SPOCK3: variants seen among roughly 807,000 people sequenced by gnomAD.
The protein encoded by SPOCK3 is testican-3.
Under a neutral mutation model 56.6 loss-of-function variants are expected in SPOCK3, and 30 were observed. The ratio of observed to expected loss-of-function variants is 0.53; its 90% CI spans 0.40 to 0.72. The LOEUF is 0.72. SPOCK3 is among the 30% of genes least tolerant of loss of function. The probability of loss-of-function intolerance (pLI) is 0.00; values close to 1 mark genes in which losing one functional copy is unlikely to be tolerated. For missense variants in SPOCK3, 527 were observed against 530.0 expected, an observed-to-expected ratio of 0.99 and a Z score of 0.06; for synonymous variants, 196 against 183.3, an observed-to-expected ratio of 1.07 and a Z score of -0.56.
intron 2 of SPOCK3, among the ~76,000 whole-genome samples, chr4:167,180,992 C>G (rs1340892519): frequency 6.6e-6 from 1 of 152,038 alleles, no homozygotes; most frequent in East Asian, 1.9e-4. Flanking sequence ...TTGAATAGGA[C>G]CAATCCATGG....
intron 4 of SPOCK3, among the ~76,000 whole-genome samples, chr4:166,994,730 C>T (rs553197560): frequency 7.2e-5 from 11 of 152,078 alleles, no homozygotes; most frequent in African/African-American, 2.7e-4. Flanking sequence ...TGCATAACAC[C>T]TAATATAAAC....
At chr4:167,215,532 T>A (rs909855375) in intron 2 of SPOCK3, among the ~76,000 whole-genome samples, 13 of 152,178 alleles carry the variant, frequency 8.5e-5, no homozygotes, top group African/African-American at 2.9e-4. Context: ...CTTTTCTAGA[T>A]GAAAAACTCA....
At chr4:166,887,006 C>T (rs1026738498) in intron 6 of SPOCK3, among the ~76,000 whole-genome samples, 1 of 152,144 alleles carries the variant, frequency 6.6e-6, no homozygotes, top group African/African-American at 2.4e-5. Context: ...TCTTGCCTCT[C>T]TTTCTACGCA....
rs370153728 is a variant in SPOCK3 at position 167,055,949 on chromosome 4, G to C, written c.235+6543C>G. Among the ~76,000 whole-genome samples, 27 of 152,310 alleles carry C rather than the reference G, an allele frequency of 1.8e-4. No homozygotes were observed. In the East Asian group the frequency reaches 3.1e-3, roughly 18 times the overall value. ...CTGTCTGACAGCTTTGAAGAGAGCA[G>C]TGGTTCTCCCAGCACGAAGCTGGAG... On this transcript the variant is annotated intron_variant, in intron 3 of 10. Coordinates refer to ENST00000357545, the MANE Select transcript of SPOCK3 (RefSeq NM_001040159.2).
chr4:166,847,647 T>TATATATATA (rs1748203803), intron 6 of SPOCK3, among the ~76,000 whole-genome samples: 36 of 55,406 alleles, frequency 6.5e-4, no homozygotes, highest in African/African-American at 1.6e-3. Flanking sequence ...AAATCCTAGT[T>TATATATATA]TATATATATA....
chr4:166,825,186 G>T (rs994261985), intron 6 of SPOCK3, among the ~76,000 whole-genome samples: 2 of 152,010 alleles, frequency 1.3e-5, no homozygotes, highest in East Asian at 1.9e-4. Context: ...GAAGGTCTAC[G>T]TCTCAAGTAA....
At position 166,754,372 on chromosome 4, in the gene SPOCK3, T is replaced by C. The variant is rs867127712; in HGVS notation, c.931+136A>G. 6.5e-6 allele frequency: 9 copies of C among 1,394,610 alleles called. No individual in the cohort carries two copies. The Middle Eastern group carries it at 1.4e-3, about 214-fold the overall frequency. 86.4% of individuals were successfully genotyped at this position (1,394,610 alleles called of 1,614,324 possible). ...TTTGTTCAACATGCTTCTTATTTGC[T>C]CTTTTATTCAACACTTGAATTACAA... is the stretch of plus-strand genomic sequence containing the variant. On this transcript the variant is annotated intron_variant, in intron 8 of 10. Coordinates refer to ENST00000357545, the MANE Select transcript of SPOCK3 (RefSeq NM_001040159.2).
intron 4 of SPOCK3, among the ~76,000 whole-genome samples, chr4:166,997,108 G>A (rs112286886): frequency 0.07 from 10,569 of 151,804 alleles, 1,247 homozygotes; most frequent in African/African-American, 0.24. Flanking sequence ...AGAGCTGAAC[G>A]ATGAGAACAC....
intron 6 of SPOCK3, among the ~76,000 whole-genome samples, chr4:166,803,120 G>A (rs1314442385): frequency 6.6e-6 from 1 of 152,150 alleles, no homozygotes; most frequent in African/African-American, 2.4e-5. Context: ...ATTTCAGTCT[G>A]AGTGTGCTCT....
intron 4 of SPOCK3, among the ~76,000 whole-genome samples, chr4:166,963,821 C>A (rs1744413735): frequency 6.6e-6 from 1 of 151,782 alleles, no homozygotes; most frequent in Non-Finnish European, 1.5e-5. Flanking sequence ...ATTTTATTTT[C>A]TCCTGACTTT....
chr4:167,116,301 G>C (rs1761320648), intron 2 of SPOCK3, among the ~76,000 whole-genome samples: 1 of 150,894 alleles, frequency 6.6e-6, no homozygotes, highest in African/African-American at 2.4e-5. Flanking sequence ...TTATAGTTAA[G>C]ATATAGAAAA....
At chr4:167,087,790 C>A (rs898269896) in intron 2 of SPOCK3, among the ~76,000 whole-genome samples, 3 of 152,140 alleles carry the variant, frequency 2.0e-5, no homozygotes, top group Non-Finnish European at 4.4e-5. Flanking sequence ...CTAAAATGGA[C>A]TATCAGGATA....
intron 6 of SPOCK3, among the ~76,000 whole-genome samples, chr4:166,854,768 T>G (rs546222153): frequency 5.3e-5 from 8 of 152,268 alleles, no homozygotes; most frequent in African/African-American, 1.9e-4. Flanking sequence ...AATAAGTTAA[T>G]GAGCTGTTGA....
chr4:166,979,496 A>T (rs1746346916), intron 4 of SPOCK3, among the ~76,000 whole-genome samples: 1 of 152,192 alleles, frequency 6.6e-6, no homozygotes, highest in Non-Finnish European at 1.5e-5. Context: ...TTTTGCTCTG[A>T]ATACCAATTC....
intron 2 of SPOCK3, among the ~76,000 whole-genome samples, chr4:167,189,694 TAC>T (rs150826353): frequency 0.02 from 2,884 of 145,540 alleles, 460 homozygotes; most frequent in African/African-American, 0.072. Context: ...TATTATTAAC[TAC>T]AGTCACACTC....
At chr4:167,026,839 T>C (rs114671133) in intron 3 of SPOCK3, among the ~76,000 whole-genome samples, 3,916 of 142,350 alleles carry the variant, frequency 0.028, 82 homozygotes, top group Middle Eastern at 0.05. Flanking sequence ...TTTTTTTTTC[T>C]CAAGCGTCTG....
At chr4:166,911,278 G>T (rs948767704) in intron 5 of SPOCK3, among the ~76,000 whole-genome samples, 6 of 152,066 alleles carry the variant, frequency 3.9e-5, no homozygotes, top group Non-Finnish European at 8.8e-5. Flanking sequence ...AATTAATTAA[G>T]AGCATTGTAG....
chr4:166,857,402 C>T (rs543914336), intron 6 of SPOCK3, among the ~76,000 whole-genome samples: 74 of 152,256 alleles, frequency 4.9e-4, no homozygotes, highest in African/African-American at 1.7e-3. Flanking sequence ...TTCTGCTGGA[C>T]AGAGACCTTC....
At chr4:166,772,735 T>C (rs1440502430) in intron 7 of SPOCK3, among the ~76,000 whole-genome samples, 1 of 152,148 alleles carries the variant, frequency 6.6e-6, no homozygotes, top group African/African-American at 2.4e-5. Flanking sequence ...TACTTTTAGA[T>C]TGAATTCAGA....
Sources: gnomAD v4.1 joint callset for allele counts (sites outside exome capture counted in the v4.1 genomes callset) on GRCh38, gnomAD v4.1.1 for gene constraint, MANE v1.5 for transcripts, NCBI Gene and HGNC (gene_info 2026-07-23, HGNC 2026-07-21) for gene names.